RANBP3: variants seen among roughly 807,000 people sequenced by gnomAD.
RANBP3 encodes ran-binding protein 3.
A neutral mutation model predicts 77.3 loss-of-function variants in RANBP3; 14 were observed. The observed-to-expected ratio is 0.18, with a 90% CI of 0.12 to 0.28. The LOEUF (loss-of-function observed/expected upper bound fraction) is 0.28. Among genes scored for constraint, RANBP3 ranks in the 10% least tolerant of loss-of-function variants. The probability of loss-of-function intolerance (pLI) is 1.00; values close to 1 mark genes in which losing one functional copy is unlikely to be tolerated. For synonymous variants in RANBP3, 315 were observed against 312.4 expected, an observed-to-expected ratio of 1.01 and a Z score of -0.09; for missense variants, 586 against 752.3, an observed-to-expected ratio of 0.78 and a Z score of 2.59.
chr19:5,949,581 A>G (rs2058249779), intron 3 of RANBP3, among the ~76,000 whole-genome samples: 1 of 152,226 alleles, frequency 6.6e-6, no homozygotes, highest in African/African-American at 2.4e-5. Flanking sequence ...TGGAACATTT[A>G]CATACTGCTC....
chr19:5,967,842 G>A (rs527837346), intron 1 of RANBP3, among the ~76,000 whole-genome samples: 2 of 152,268 alleles, frequency 1.3e-5, no homozygotes, highest in South Asian at 4.1e-4. Context: ...GCAACATGGT[G>A]AAATCGTGTC....
chr19:5,977,653 G>A (rs184140365), intron 1 of RANBP3, among the ~76,000 whole-genome samples: 1 of 152,280 alleles, frequency 6.6e-6, no homozygotes, highest in African/African-American at 2.4e-5. Context: ...GATGCCGGGT[G>A]GCGGAGGACG....
chr19:5,930,797 G>A (rs2057978928), intron 8 of RANBP3, among the ~76,000 whole-genome samples: 1 of 152,142 alleles, frequency 6.6e-6, no homozygotes, highest in Non-Finnish European at 1.5e-5. Context: ...TTGAACTCCT[G>A]GCCTCAAGCA....
At chr19:5,954,681 C>T (rs1050528730) in intron 2 of RANBP3, among the ~76,000 whole-genome samples, 2 of 152,146 alleles carry the variant, frequency 1.3e-5, no homozygotes, top group African/African-American at 2.4e-5. Flanking sequence ...TCTAAAAGCT[C>T]GGTCCCAGCT....
chr19:5,938,507 C>A (rs1001457204), intron 5 of RANBP3, among the ~76,000 whole-genome samples: 2 of 149,906 alleles, frequency 1.3e-5, no homozygotes, highest in African/African-American at 4.9e-5. Flanking sequence ...CTGGCCAACA[C>A]GGTGAAACCC....
Position 5,923,798 on chromosome 19 carries a change from G to A in RANBP3, c.1099+14C>T, listed in dbSNP as rs1288520133. On this transcript the variant is annotated intron_variant, in intron 12 of 16. Coordinates refer to ENST00000340578, the MANE Select transcript of RANBP3 (RefSeq NM_007322.3). ...CTACCATGAGCCCCATGCTGTGGTG[G>A]GACGCTAACATACCTTTCTCAGGGG... 6.3e-7 allele frequency: 1 copy of A among 1,587,146 alleles called. No homozygotes were observed. Among genetic ancestry groups the A allele is most frequent in the Non-Finnish European group, 8.7e-7 (1 of 1,155,710 alleles).
intron 8 of RANBP3, 167 bp from the exon 9 acceptor site, chr19:5,928,254 G>A: frequency 1.3e-6 from 1 of 768,360 alleles, no homozygotes; most frequent in Non-Finnish European, 2.0e-6. Context: ...CTTGAGCCTG[G>A]GAGTTGTAGT....
chr19:5,933,442 C>G lies in RANBP3; in HGVS notation c.444G>C (p.Thr148=). The G allele has an allele frequency of 6.2e-7, 1 of 1,613,382 alleles. No homozygotes were observed. Among genetic ancestry groups the G allele is most frequent in the Non-Finnish European group, 8.5e-7 (1 of 1,179,854 alleles). Residue 148 remains threonine (T), a synonymous_variant, in exon 6 of 17, where the codon ACG becomes ACC. Coordinates refer to ENST00000340578, the MANE Select transcript of RANBP3 (RefSeq NM_007322.3). ...CGCTGGGGGCTTGGCCGTGGATCAG[C>G]GTTGGTGGCTTCAACCGGAAGCCAC... ...RSSGFRLKPP[T]LIHGQAPSAG...
rs765025680 is a variant in RANBP3 at position 5,933,491 on chromosome 19, A to G, written c.407-12T>C. 7 of 1,612,360 alleles carry G rather than the reference A, an allele frequency of 4.3e-6. No individual in the cohort carries two copies. In the African/African-American group the frequency reaches 8.0e-5, roughly 18 times the overall value. ...ACTGCTCCTTTCCTCTAAAAGCACA[A>G]GACAAAATATCAACAGCAGGCCTGC... On this transcript the variant is annotated splice_polypyrimidine_tract_variant and intron_variant, in intron 5 of 16. Coordinates refer to ENST00000340578, the MANE Select transcript of RANBP3 (RefSeq NM_007322.3).
At chr19:5,957,836 A>G (rs2058353418) in intron 2 of RANBP3, 82 bp downstream of exon 2, 3 of 1,513,344 alleles carry the variant, frequency 2.0e-6, no homozygotes, top group Admixed American at 1.7e-5. Context: ...GGCCTTGGCA[A>G]TGCGACCTGG....
In RANBP3 at chr19:5,958,223, C is replaced by G. The variant is rs1050309312; in HGVS notation, c.23-250G>C. Among the ~76,000 whole-genome samples the G allele has an allele frequency of 3.9e-5, 6 of 152,144 alleles. No homozygotes were observed. The highest frequency in any genetic ancestry group is 1.4e-4 in the African/African-American group (6 of 41,432). On this transcript the variant is annotated intron_variant, in intron 1 of 16. Coordinates refer to ENST00000340578, the MANE Select transcript of RANBP3 (RefSeq NM_007322.3). The surrounding 1 kb of genome is among the most constrained non-coding windows in gnomAD (Gnocchi z 4.4). ...GCATTTATCATCAATAAGGAGTTTT[C>G]AAGACTCACTGAGAGCGGGCGTGTA...
chr19:5,917,795 A>G lies in RANBP3; in HGVS notation c.1659T>C (p.Ala553=), dbSNP rs774580181. The change falls in exon 16 of 17, where the codon GCT becomes GCC. Residue 553 remains alanine, a splice_region_variant and synonymous_variant. Coordinates refer to ENST00000340578, the MANE Select transcript of RANBP3 (RefSeq NM_007322.3). The part of the protein sequence containing the change: ...DVLAPSGATA[A]GAGDEGDGQT... ...CAGGGTAGGGACCACCCGACTCACC[A>G]GCTGCGGTGGCCCCTGAAGGAGCCA... The G allele has an allele frequency of 6.2e-7, 1 of 1,607,308 alleles. No individual in the cohort carries two copies. The highest frequency in any genetic ancestry group is 2.2e-5 in the East Asian group (1 of 44,770).
chr19:5,948,568 G>A (rs1397418057), intron 3 of RANBP3, among the ~76,000 whole-genome samples: 1 of 152,202 alleles, frequency 6.6e-6, no homozygotes, highest in East Asian at 1.9e-4. Flanking sequence ...GGATACCTGG[G>A]ATACAAAATA....
At chr19:5,935,680 C>T (rs1220926251) in intron 5 of RANBP3, 5 of 456,082 alleles carry the variant, frequency 1.1e-5, no homozygotes, top group Admixed American at 2.4e-5. Flanking sequence ...ATCCCTGCCA[C>T]CGACCTGCCA....
intron 14 of RANBP3, among the ~76,000 whole-genome samples, chr19:5,920,490 T>C (rs1231721699): frequency 1.3e-5 from 2 of 152,130 alleles, no homozygotes; most frequent in Non-Finnish European, 2.9e-5. Context: ...TGTCCACCAA[T>C]AGGGAAAAGT....
At chr19:5,960,305 G>A (rs1237271399) in intron 1 of RANBP3, among the ~76,000 whole-genome samples, 2 of 152,172 alleles carry the variant, frequency 1.3e-5, no homozygotes, top group African/African-American at 4.8e-5. Context: ...AACAGACTCT[G>A]GCCTGAGAGA....
rs759557942 is a variant in RANBP3, at chr19:5,917,797, C to A, written c.1657G>T (p.Ala553Ser). The A allele has an allele frequency of 6.2e-7, 1 of 1,607,376 alleles. No homozygotes were observed. Among genetic ancestry groups the A allele is most frequent in the Non-Finnish European group, 8.5e-7 (1 of 1,176,758 alleles). Residue 553 changes from alanine to serine, a missense_variant, in exon 16 of 17, where the codon GCT becomes TCT. By Grantham distance (99) the Ala-to-Ser change is moderately conservative (BLOSUM62 1). Transcript: ENST00000340578. ...GGGTAGGGACCACCCGACTCACCAG[C>A]TGCGGTGGCCCCTGAAGGAGCCAGG... ...DVLAPSGATA[A>S]GAGDEGDGQT...
intron 1 of RANBP3, among the ~76,000 whole-genome samples, chr19:5,963,542 C>A (rs555449173): frequency 6.6e-6 from 1 of 152,304 alleles, no homozygotes; most frequent in Non-Finnish European, 1.5e-5. Context: ...CAGAGTGAGA[C>A]CTTGTCTCAA....
At chr19:5,935,444 G>A (rs988006427) in intron 5 of RANBP3, among the ~76,000 whole-genome samples, 7 of 152,228 alleles carry the variant, frequency 4.6e-5, no homozygotes, top group African/African-American at 1.7e-4. Context: ...TCCAAAGCAC[G>A]GAGCTATGCA....
Sources: gnomAD v4.1 joint callset for allele counts (sites outside exome capture counted in the v4.1 genomes callset) on GRCh38, gnomAD v4.1.1 for gene constraint, Gnocchi (gnomAD v3.1) non-coding constraint, MANE v1.5 for transcripts, NCBI Gene and HGNC (gene_info 2026-07-23, HGNC 2026-07-21) for gene names.